Variants in CD7 observed in about 807,000 individuals in gnomAD.
The protein encoded by CD7 is CD7 molecule.
In CD7, 19 loss-of-function variants were observed where a neutral mutation model predicts 17.6. The observed-to-expected ratio is 1.08, with a 90% CI of 0.75 to 1.58. CD7 has a LOEUF of 1.58. Among genes scored for constraint, CD7 ranks in the 40% most tolerant of loss-of-function variants. The pLI is 0.00. For synonymous variants in CD7, 160 were observed against 159.8 expected (o/e 1.00, Z -0.01); for missense variants, 291 against 327.1 (o/e 0.89, Z 0.85).
Position 82,316,738 on chromosome 17 carries a change from G to C in CD7, c.326C>G (p.Thr109Ser). ...ITMHRLQLSD[T>S]GTYTCQAITE... ...GATGGCCTGGCAGGTGTAGGTGCCA[G>C]TGTCCGACAGCTGCAGGCGGTGCAT... The change falls in exon 2 of 4, where the codon ACT becomes AGT. Residue 109 changes from threonine (T) to serine (S), a missense_variant. Coordinates refer to ENST00000312648, the MANE Select transcript of CD7 (RefSeq NM_006137.7). 1 of 1,613,788 alleles carries C rather than the reference G, an allele frequency of 6.2e-7. No homozygotes were observed. The highest frequency in any genetic ancestry group is 8.5e-7 in the Non-Finnish European group (1 of 1,179,996).
chr17:82,316,347 C>T lies in CD7; in HGVS notation c.460G>A (p.Ala154Thr), dbSNP rs753300667. 1.0e-5 allele frequency: 16 copies of T among 1,593,074 alleles called. No homozygotes were observed. The East Asian group carries it at 3.6e-4, about 36-fold the overall frequency. The change falls in exon 3 of 4, where the codon GCC (alanine) becomes ACC (threonine). Residue 154 changes from alanine to threonine, a missense_variant. Ala to Thr is a moderately conservative substitution (Grantham distance 58). Coordinates refer to ENST00000312648, the MANE Select transcript of CD7 (RefSeq NM_006137.7). ...DAPPRASALP[A>T]PPTGSALPDP... is the part of the protein sequence containing the mutation. The stretch of plus-strand genomic sequence containing the variant: ...GGGAGGGCGGAGCCTGTCGGTGGGG[C>T]AGGGAGGGCAGAGGCCCTTGGTGGG...
In CD7 at chr17:82,316,911, G is replaced by T; in HGVS notation, c.153C>A (p.Ser51Arg). The T allele has an allele frequency of 6.2e-7, 1 of 1,611,874 alleles. No individual in the cohort carries two copies. The change falls in exon 2 of 4, where the codon AGC (serine) becomes AGA (arginine). Residue 51 changes from serine (S) to arginine (R), a missense_variant. Physicochemically the swap from Ser to Arg is moderately radical, Grantham distance 110 (BLOSUM62 -1). Coordinates refer to ENST00000312648, the MANE Select transcript of CD7 (RefSeq NM_006137.7). ...TCAGGTAGATCCCACGCAGGCCCCC[G>T]CTGGTGGAGCAGGTGATGTTGACGG... ...GASVNITCST[S>R]GGLRGIYLRQ...
At chr17:82,315,969 G>C in intron 3 of CD7, 1 of 649,604 alleles carries the variant, frequency 1.5e-6, no homozygotes, top group Non-Finnish European at 2.7e-6. Flanking sequence ...ACGCGCACAC[G>C]CGCACACGCG....
intron 1 of CD7, 182 bp downstream of exon 1, chr17:82,317,232 G>C (rs993378398): frequency 2.9e-6 from 2 of 698,756 alleles, no homozygotes; most frequent in African/African-American, 1.8e-5. Context: ...GGACAGCCCC[G>C]GCCACTCCCC....
chr17:82,315,519 C>T (rs1183591286), intron 3 of CD7, 88 bp from the exon 4 acceptor site: 6 of 1,025,408 alleles, frequency 5.9e-6, no homozygotes, highest in African/African-American at 3.2e-5. Context: ...AATTTTAACA[C>T]GAGACCCCCA....
intron 3 of CD7, 24 bp downstream of exon 3, chr17:82,316,171 G>C: frequency 6.5e-7 from 1 of 1,548,684 alleles, no homozygotes; most frequent in Non-Finnish European, 8.7e-7. Flanking sequence ...TGGGGTGCAG[G>C]TGGCAGCTGG....
In CD7 at chr17:82,315,079, C is replaced by T. The variant is rs927554211; in HGVS notation, c.*242G>A. Reference sequence around the variant, plus strand: ...GCCAAAGGACAGTCAGGCTTCCTCCCGGTGGCGGCGTGGGCTGGGCAGGGA... The same window carrying T: ...GCCAAAGGACAGTCAGGCTTCCTCCTGGTGGCGGCGTGGGCTGGGCAGGGA... On this transcript the variant is annotated 3_prime_UTR_variant, in exon 4 of 4. Transcript: ENST00000312648. 2.9e-5 allele frequency: 14 copies of T among 480,094 alleles called. No individual in the cohort carries two copies. The East Asian group carries it at 3.0e-4, about 10-fold the overall frequency. 29.7% of individuals were successfully genotyped at this position (480,094 alleles called of 1,614,324 possible). A position where few individuals can be genotyped will look rare whatever the true frequency, so the allele number is the denominator to read the frequency against.
Position 82,315,311 on chromosome 17 carries a change from G to A in CD7, c.*10C>T, listed in dbSNP as rs780591545. ...GGGACCACAGGCGGGACGTGCAGGG[G>A]CCCACTGGGTCACTGGTACTGGTTG... On this transcript the variant is annotated 3_prime_UTR_variant, in exon 4 of 4. Coordinates refer to ENST00000312648, the MANE Select transcript of CD7 (RefSeq NM_006137.7). 5 of 1,584,674 alleles carry A rather than the reference G, an allele frequency of 3.2e-6. No homozygotes were observed. In the African/African-American group the frequency reaches 5.4e-5, roughly 17 times the overall value.
Position 82,315,955 on chromosome 17 carries a change from G to GCACACGCA in CD7, c.612+239_612+240insTGCGTGTG, listed in dbSNP as rs2052008718. Reference sequence around the variant, plus strand: ...GATCCCCCCTCAGACACTCACACCTGCACACGCGCACACGCGCACACGCGG... The same window carrying GCACACGCA: ...GATCCCCCCTCAGACACTCACACCTGCACACGCACACACGCGCACACGCGCACACGCGG... On this transcript the variant is annotated intron_variant, in intron 3 of 3. Transcript: ENST00000312648. 21 of 559,714 alleles carry GCACACGCA rather than the reference G, an allele frequency of 3.8e-5. No individual in the cohort carries two copies. The South Asian group carries it at 4.0e-4, about 11-fold the overall frequency. The allele number at this position is 559,714 out of a possible 1,614,324, so 34.7% of individuals were successfully genotyped here. A position where few individuals can be genotyped will look rare whatever the true frequency, so the allele number is the denominator to read the frequency against.
intron 3 of CD7, chr17:82,315,827 C>T: frequency 1.7e-6 from 1 of 589,644 alleles, no homozygotes; most frequent in South Asian, 2.1e-5. Flanking sequence ...CCTCAGAGAT[C>T]CCCACACACA....
chr17:82,316,458 A>G (rs186481010), intron 2 of CD7, 49 bp from the exon 3 acceptor site: 1 of 1,483,924 alleles, frequency 6.7e-7, no homozygotes, highest in African/African-American at 1.4e-5. Context: ...AGAACCTGTT[A>G]GAGCCCCCGG....
chr17:82,315,945 A>ACAC (rs2052008128), intron 3 of CD7: 1 of 546,414 alleles, frequency 1.8e-6, no homozygotes, highest in African/African-American at 2.2e-5. Context: ...CCCCTCAGAC[A>ACAC]CTCACACCTG....
intron 3 of CD7, 92 bp from the exon 4 acceptor site, chr17:82,315,523 A>AC: frequency 1.0e-6 from 1 of 971,258 alleles, no homozygotes; most frequent in South Asian, 1.4e-5. Context: ...TTAACACGAG[A>AC]CCCCCACGGG....
rs752433050 is a variant in CD7, at chr17:82,317,522, G to A, written c.-27C>T. The A allele has an allele frequency of 4.3e-5, 66 of 1,542,558 alleles. No homozygotes were observed. Among genetic ancestry groups the A allele is most frequent in the South Asian group, 6.0e-5 (5 of 83,302 alleles). ...TTCCCCACACCCAGCTCTCCCAGCC[G>A]GGCGAGTGCAGCTGAGCCTCTCTGG... is the stretch of plus-strand genomic sequence containing the variant. On this transcript the variant is annotated 5_prime_UTR_variant, in exon 1 of 4. Coordinates refer to ENST00000312648, the MANE Select transcript of CD7 (RefSeq NM_006137.7).
Position 82,315,227 on chromosome 17 carries a change from A to T in CD7, c.*94T>A. 1 of 730,712 alleles carries T rather than the reference A, an allele frequency of 1.4e-6. No individual in the cohort carries two copies. Among genetic ancestry groups the T allele is most frequent in the Admixed American group, 2.1e-5 (1 of 47,716 alleles). The allele number at this position is 730,712 out of a possible 1,614,324, so 45.3% of individuals were successfully genotyped here. A position where few individuals can be genotyped will look rare whatever the true frequency, so the allele number is the denominator to read the frequency against. On this transcript the variant is annotated 3_prime_UTR_variant, in exon 4 of 4. Transcript: ENST00000312648. ...CAAACTCTGCTGCAGCCGTGGGAGG[A>T]CAGCAGGGTGAGGGGTGTGGCAGGG...
intron 2 of CD7, 123 bp downstream of exon 2, chr17:82,316,544 G>C: frequency 7.7e-7 from 1 of 1,298,752 alleles, no homozygotes; most frequent in Non-Finnish European, 1.1e-6. Flanking sequence ...GGGGGCAGTG[G>C]GCTGGGAGCT....
chr17:82,315,343 G>A lies in CD7; in HGVS notation c.701C>T (p.Ser234Phe). 4 of 1,613,412 alleles carry A rather than the reference G, an allele frequency of 2.5e-6. No individual in the cohort carries two copies. Among genetic ancestry groups the A allele is most frequent in the Non-Finnish European group, 2.5e-6 (3 of 1,179,584 alleles). Residue 234 changes from serine (S) to phenylalanine (F), a missense_variant, in exon 4 of 4, where the codon TCC becomes TTC. Ser to Phe is a radical substitution (Grantham distance 155). Coordinates refer to ENST00000312648, the MANE Select transcript of CD7 (RefSeq NM_006137.7). ...GGGTCACTGGTACTGGTTGGGGGAG[G>A]ACAGCGTGTTGCAGCGGCTGTGCGA... is the stretch of plus-strand genomic sequence containing the variant. ...DMSHSRCNTL[S>F]SPNQYQ
At chr17:82,317,289 T>C (rs2052026596) in intron 1 of CD7, 125 bp downstream of exon 1, 1 of 960,432 alleles carries the variant, frequency 1.0e-6, no homozygotes, top group Non-Finnish European at 1.6e-6. Flanking sequence ...CCTCAGACAC[T>C]GGAGGCCGCT....
intron 3 of CD7, 81 bp downstream of exon 3, chr17:82,316,114 G>T: frequency 7.1e-7 from 1 of 1,412,366 alleles, no homozygotes; most frequent in Non-Finnish European, 9.8e-7. Context: ...GTTTTCCTCT[G>T]GGGCTTTGGC....
Sources: allele counts gnomAD v4.1 joint callset, GRCh38; gene constraint gnomAD v4.1.1; transcripts MANE v1.5; gene names NCBI Gene and HGNC (gene_info 2026-07-23, HGNC 2026-07-21).